Variants in GATA4 observed in about 807,000 individuals in gnomAD.
The protein encoded by GATA4 is transcription factor GATA-4.
A neutral mutation model predicts 37.9 loss-of-function variants in GATA4; 7 were observed. That is an observed-to-expected ratio of 0.18 (90% CI 0.11 to 0.35). The LOEUF (loss-of-function observed/expected upper bound fraction) is 0.35. Among genes scored for constraint, GATA4 ranks in the 10% least tolerant of loss-of-function variants. The pLI, the probability that GATA4 is intolerant of heterozygous loss-of-function variation, is 1.00. For synonymous variants in GATA4, 372 were observed against 292.6 expected, an observed-to-expected ratio of 1.27 and a Z score of -2.77; for missense variants, 647 against 653.0, an observed-to-expected ratio of 0.99 and a Z score of 0.10.
chr8:11,719,172 A>G (rs1207417995), intron 2 of GATA4, among the ~76,000 whole-genome samples: 1 of 150,666 alleles, frequency 6.6e-6, no homozygotes, highest in Non-Finnish European at 1.5e-5. Flanking sequence ...TGACCTTTTC[A>G]GATATTTTAT....
intron 2 of GATA4, among the ~76,000 whole-genome samples, chr8:11,732,197 C>T (rs1801242867): frequency 6.6e-6 from 1 of 152,300 alleles, no homozygotes; most frequent in Middle Eastern, 3.4e-3. Flanking sequence ...AAGCTATTAA[C>T]CATGTGTAAT....
intron 2 of GATA4, among the ~76,000 whole-genome samples, chr8:11,719,907 A>G (rs1800593747): frequency 6.6e-6 from 1 of 152,208 alleles, no homozygotes; most frequent in Non-Finnish European, 1.5e-5. Flanking sequence ...CTTTAAAACT[A>G]AAGCATATTT....
rs1253557866 is a variant in GATA4 at position 11,733,986 on chromosome 8, G to C, written c.617-14930G>C. Among the ~76,000 whole-genome samples the C allele has an allele frequency of 2.0e-5, 3 of 152,144 alleles. No individual in the cohort carries two copies. In the South Asian group the frequency reaches 6.2e-4, roughly 32 times the overall value. On this transcript the variant is annotated intron_variant, in intron 2 of 6. Coordinates refer to ENST00000532059, the MANE Select transcript of GATA4 (RefSeq NM_001308093.3). ...TGAACCACATAGAGGTTTTGCCTTC[G>C]GCCTGCATGTCCAATTGAAGCATAC...
intron 2 of GATA4, among the ~76,000 whole-genome samples, chr8:11,747,960 G>A (rs1290717468): frequency 6.6e-6 from 1 of 152,172 alleles, no homozygotes. Flanking sequence ...CACAAGGCCG[G>A]GTGTGGTGTA....
At chr8:11,744,387 T>C (rs1298605708) in intron 2 of GATA4, among the ~76,000 whole-genome samples, 1 of 152,242 alleles carries the variant, frequency 6.6e-6, no homozygotes, top group Non-Finnish European at 1.5e-5. Context: ...CAAACGTGGG[T>C]GATGCCTTCC....
In GATA4 at chr8:11,759,871, T is replaced by C. The variant is rs913824656; in HGVS notation, c.*1396T>C. Reference sequence around the variant, plus strand: ...TTGAACCAAGATTCTGTTTTAATCATCATTTACATTGTTTTCTTCCAAAGG... The same window carrying C: ...TTGAACCAAGATTCTGTTTTAATCACCATTTACATTGTTTTCTTCCAAAGG... On this transcript the variant is annotated 3_prime_UTR_variant, in exon 7 of 7. Transcript: ENST00000532059. 3.3e-5 allele frequency: 5 copies of C among 152,670 alleles called. No homozygotes were observed. The highest frequency in any genetic ancestry group is 1.2e-4 in the African/African-American group (5 of 41,476). 9.5% of individuals were successfully genotyped at this position (152,670 alleles called of 1,614,324 possible).
chr8:11,699,081 A>C (rs1340157419), intron 1 of GATA4, among the ~76,000 whole-genome samples: 1 of 152,222 alleles, frequency 6.6e-6, no homozygotes, highest in Non-Finnish European at 1.5e-5. Context: ...ACACTTATTG[A>C]GCACCTACTG....
chr8:11,716,840 C>T (rs915382748), intron 2 of GATA4, among the ~76,000 whole-genome samples: 7 of 152,210 alleles, frequency 4.6e-5, no homozygotes, highest in Non-Finnish European at 8.8e-5. Context: ...TTTAGTTGTA[C>T]TGAATTTAGA....
At chr8:11,753,206 G>A (rs967557729) in intron 4 of GATA4, among the ~76,000 whole-genome samples, 3 of 152,158 alleles carry the variant, frequency 2.0e-5, no homozygotes, top group Non-Finnish European at 2.9e-5. Flanking sequence ...ATACATACAC[G>A]TAGGATATTA....
At chr8:11,697,826 G>C in intron 1 of GATA4, 6 of 985,484 alleles carry the variant, frequency 6.1e-6, no homozygotes, top group Non-Finnish European at 7.2e-6. Flanking sequence ...CCGGTGGGGC[G>C]TTCCGGCCAC....
chr8:11,691,254 G>A (rs563076170), upstream of GATA4, among the ~76,000 whole-genome samples: 11 of 152,304 alleles, frequency 7.2e-5, no homozygotes, highest in African/African-American at 2.6e-4. Context: ...GTTCCTCACT[G>A]AACATATTCA....
At chr8:11,737,534 A>T (rs1283753982) in intron 2 of GATA4, among the ~76,000 whole-genome samples, 1 of 152,248 alleles carries the variant, frequency 6.6e-6, no homozygotes, top group East Asian at 1.9e-4. Context: ...GCTCCATTGC[A>T]ATCTTCCTAA....
intron 1 of GATA4, among the ~76,000 whole-genome samples, chr8:11,694,797 C>T (rs960812206): frequency 6.6e-6 from 1 of 152,120 alleles, no homozygotes; most frequent in African/African-American, 2.4e-5. Context: ...TAGAAACAAT[C>T]ATATTATCAA....
Position 11,758,471 on chromosome 8 carries a change from C to T in GATA4, c.1328C>T (p.Ala443Val), listed in dbSNP as rs146017816. The T allele has an allele frequency of 2.1e-5, 34 of 1,613,984 alleles. No homozygotes were observed. The highest frequency in any genetic ancestry group is 6.7e-5 in the East Asian group (3 of 44,888). ...GACAGTCACGGGGACATAATCACTG[C>T]GTAATCTTCCCTCTTCCCTCCTCAA... is the stretch of plus-strand genomic sequence containing the variant. ...LADSHGDIIT[A>V] The change falls in exon 7 of 7, where the codon GCG becomes GTG. Residue 443 changes from alanine to valine, a missense_variant. This residue lies in a region of GATA4 where 184 missense variants were observed against 157.1 expected (regional missense o/e 1.17). Transcript: ENST00000532059.
rs957833102 is a variant in GATA4 at position 11,698,044 on chromosome 8, C to G, written c.-728-2464C>G. 1.4e-5 allele frequency: 14 copies of G among 982,026 alleles called. No individual in the cohort carries two copies. The Admixed American group carries it at 3.1e-4, about 22-fold the overall frequency. The allele number at this position is 982,026 out of a possible 1,614,324, so 60.8% of individuals were successfully genotyped here. ...CCTGGACTCTGGGTTGACCTCGTCC[C>G]GGTCGGGTTCTCTCTCCTCCCACCC... is the stretch of plus-strand genomic sequence containing the variant. On this transcript the variant is annotated intron_variant, in intron 1 of 2. Transcript: ENST00000526974.
At chr8:11,698,454 C>T (rs1799571797) in intron 1 of GATA4, among the ~76,000 whole-genome samples, 1 of 152,156 alleles carries the variant, frequency 6.6e-6, no homozygotes, top group Non-Finnish European at 1.5e-5. Context: ...CCATCTCTCC[C>T]TCTCTGCTGC....
In GATA4 at chr8:11,709,961, G is replaced by A. The variant is rs139956131; in HGVS notation, c.616+1033G>A. 1.2e-3 allele frequency among the ~76,000 whole-genome samples: 179 copies of A among 152,304 alleles called. No individual in the cohort carries two copies. The highest frequency in any genetic ancestry group is 2.7e-3 in the South Asian group (13 of 4,824). On this transcript the variant is annotated intron_variant, in intron 2 of 6. Coordinates refer to ENST00000532059, the MANE Select transcript of GATA4 (RefSeq NM_001308093.3). This position sits in a 1 kb window ranked among gnomAD's most constrained non-coding sequence, Gnocchi z 4.3. ...GGATTGAGCCCACCCTGTGGGGGAG[G>A]GGAAGCCCAGGCTTGAGAAGCAAAG...
upstream of GATA4, among the ~76,000 whole-genome samples, chr8:11,703,358 C>G (rs1187887496): frequency 2.0e-5 from 3 of 152,128 alleles, no homozygotes; most frequent in Non-Finnish European, 4.4e-5. Context: ...GCTGGGGCCT[C>G]CAGGCTCTGA....
At chr8:11,692,106 G>A, upstream of GATA4, 2 of 948,030 alleles carry the variant, frequency 2.1e-6, no homozygotes, top group Non-Finnish European at 2.5e-6. Flanking sequence ...GGTGAGGCAG[G>A]CAGGAGCTCG....
Sources: allele counts gnomAD v4.1 joint callset (sites outside exome capture counted in the v4.1 genomes callset), GRCh38; gene constraint gnomAD v4.1.1; regional missense constraint gnomAD v4.1.1; non-coding constraint Gnocchi (gnomAD v3.1); transcripts MANE v1.5; gene names NCBI Gene and HGNC (gene_info 2026-07-23, HGNC 2026-07-21).